MGAT4C: variants seen among roughly 807,000 people sequenced by gnomAD.
MGAT4C encodes MGAT4 family member C.
Under a neutral mutation model 40.1 loss-of-function variants are expected in MGAT4C, and 19 were observed. That is an observed-to-expected ratio of 0.47 (90% CI 0.33 to 0.70). MGAT4C has a LOEUF of 0.70. Among genes scored for constraint, MGAT4C ranks in the 30% least tolerant of loss-of-function variants. MGAT4C has a pLI of 0.02. For synonymous variants in MGAT4C, 181 were observed against 187.1 expected (o/e 0.97, Z 0.27); for missense variants, 491 against 563.2 (o/e 0.87, Z 1.30).
At chr12:86,182,278 T>C (rs1266216636) in intron 1 of MGAT4C, among the ~76,000 whole-genome samples, 1 of 152,172 alleles carries the variant, frequency 6.6e-6, no homozygotes, top group Non-Finnish European at 1.5e-5. Context: ...CTCATCATCA[T>C]AGTCTACCTT....
At position 85,968,461 on chromosome 12, in the gene MGAT4C, A is replaced by C. The variant is rs971254132; in HGVS notation, c.*10828T>G. On this transcript the variant is annotated 3_prime_UTR_variant, in exon 5 of 5. Coordinates refer to ENST00000611864, the MANE Select transcript of MGAT4C (RefSeq NM_001351288.2). ...CCAGATTCAATAGGAAGGCATGCAG[A>C]GTGTTCTCTATAAACCCAGCAAAAC... 3 of 151,996 alleles carry C rather than the reference A, an allele frequency of 2.0e-5. No homozygotes were observed. Among genetic ancestry groups the C allele is most frequent in the African/African-American group, 7.2e-5 (3 of 41,428 alleles). The allele number at this position is 151,996 out of a possible 1,614,324, so 9.4% of individuals were successfully genotyped here.
chr12:86,606,327 T>C (rs1171383588), intron 2 of MGAT4C, among the ~76,000 whole-genome samples: 1 of 152,190 alleles, frequency 6.6e-6, no homozygotes, highest in Non-Finnish European at 1.5e-5. Context: ...TATATTTCTA[T>C]ACCACCAAAA....
chr12:86,504,071 A>AG (rs200618270), intron 2 of MGAT4C, among the ~76,000 whole-genome samples: 2,119 of 151,872 alleles, frequency 0.014, 14 homozygotes, highest in African/African-American at 0.021. Context: ...CCTAAGAAAA[A>AG]ATGCTCAAAT....
At chr12:86,017,866 T>A (rs1332682235) in intron 2 of MGAT4C, among the ~76,000 whole-genome samples, 2 of 152,186 alleles carry the variant, frequency 1.3e-5, no homozygotes, top group Non-Finnish European at 2.9e-5. Context: ...TGAAGGCAGA[T>A]AAAGTATTAG....
At chr12:86,278,763 C>T (rs1953139371) in intron 4 of MGAT4C, among the ~76,000 whole-genome samples, 1 of 152,022 alleles carries the variant, frequency 6.6e-6, no homozygotes, top group South Asian at 2.1e-4. Context: ...AAGTGGGCAT[C>T]CTTGGCACGC....
At chr12:86,132,264 TATAAC>T (rs1296689149) in intron 1 of MGAT4C, among the ~76,000 whole-genome samples, 2 of 152,216 alleles carry the variant, frequency 1.3e-5, no homozygotes, top group African/African-American at 2.4e-5. Flanking sequence ...ATATGTGACT[TATAAC>T]AGAATGGAAT....
chr12:86,238,483 A>G (rs1360396314), intron 1 of MGAT4C, among the ~76,000 whole-genome samples: 1 of 152,038 alleles, frequency 6.6e-6, no homozygotes, highest in African/African-American at 2.4e-5. Flanking sequence ...TTCAGCTTAC[A>G]TGGTTTCAGG....
chr12:86,449,623 C>T (rs1018672802), intron 2 of MGAT4C, among the ~76,000 whole-genome samples: 3 of 152,058 alleles, frequency 2.0e-5, no homozygotes, highest in Non-Finnish European at 4.4e-5. Flanking sequence ...ACTTCTGTCA[C>T]CATAAAATAA....
intron 3 of MGAT4C, among the ~76,000 whole-genome samples, chr12:86,414,617 A>G (rs1189728414): frequency 6.6e-6 from 1 of 152,034 alleles, no homozygotes; most frequent in East Asian, 1.9e-4. Context: ...GCCAAAATAA[A>G]TTCACTTCAT....
intron 3 of MGAT4C, among the ~76,000 whole-genome samples, chr12:86,429,902 C>T (rs954249005): frequency 6.6e-6 from 1 of 152,050 alleles, no homozygotes; most frequent in South Asian, 2.1e-4. Flanking sequence ...TCTGGAAGTC[C>T]TATTATGTGA....
intron 2 of MGAT4C, among the ~76,000 whole-genome samples, chr12:86,633,215 C>T (rs1195182387): frequency 6.6e-6 from 1 of 151,796 alleles, no homozygotes; most frequent in Non-Finnish European, 1.5e-5. Flanking sequence ...ATAAAATATG[C>T]ACTTATTTCC....
chr12:86,362,049 T>A (rs146571933), intron 3 of MGAT4C, among the ~76,000 whole-genome samples: 1,566 of 152,262 alleles, frequency 0.01, 19 homozygotes, highest in East Asian at 0.045. Context: ...ATATTTATTG[T>A]GGCACTATTC....
chr12:86,329,196 C>T (rs1408381337), intron 4 of MGAT4C, among the ~76,000 whole-genome samples: 2 of 151,782 alleles, frequency 1.3e-5, no homozygotes, highest in Non-Finnish European at 2.9e-5. Flanking sequence ...AATAAACACA[C>T]TTGTTAGAGT....
chr12:86,438,025 G>A (rs138504529), intron 2 of MGAT4C, among the ~76,000 whole-genome samples: 6 of 151,914 alleles, frequency 3.9e-5, no homozygotes, highest in African/African-American at 1.4e-4. Flanking sequence ...GAAGTCAAAT[G>A]GTAGAAATGA....
intron 2 of MGAT4C, among the ~76,000 whole-genome samples, chr12:86,520,770 T>A (rs1029290225): frequency 6.6e-6 from 1 of 152,126 alleles, no homozygotes; most frequent in South Asian, 2.1e-4. Flanking sequence ...TAATAGCCAT[T>A]CTGACTGGTG....
At chr12:86,508,533 C>G (rs1958513277) in intron 2 of MGAT4C, among the ~76,000 whole-genome samples, 2 of 152,156 alleles carry the variant, frequency 1.3e-5, no homozygotes, top group Non-Finnish European at 2.9e-5. Flanking sequence ...GTGCATGTGT[C>G]TTTATAGCAG....
At chr12:86,338,259 CTTCCCGCTGAGTCAG>C (rs1277383150) in intron 3 of MGAT4C, among the ~76,000 whole-genome samples, 1 of 152,134 alleles carries the variant, frequency 6.6e-6, no homozygotes, top group Non-Finnish European at 1.5e-5. Context: ...AAAGCTGTCT[CTTCCCGCTGAGTCAG>C]TTCCTGAGTG....
intron 2 of MGAT4C, among the ~76,000 whole-genome samples, chr12:85,989,805 G>A (rs1885674888): frequency 6.6e-6 from 1 of 152,008 alleles, no homozygotes; most frequent in Non-Finnish European, 1.5e-5. Flanking sequence ...GACGAAAAAA[G>A]ATGAACTTTG....
At chr12:85,991,641 A>C (rs765923453) in intron 2 of MGAT4C, among the ~76,000 whole-genome samples, 10 of 152,162 alleles carry the variant, frequency 6.6e-5, no homozygotes, top group Non-Finnish European at 1.0e-4. Context: ...AGCAGCTGGC[A>C]TGTCAGCACT....
Sources: gnomAD v4.1 joint callset for allele counts (sites outside exome capture counted in the v4.1 genomes callset) on GRCh38, gnomAD v4.1.1 for gene constraint, MANE v1.5 for transcripts, NCBI Gene and HGNC (gene_info 2026-07-23, HGNC 2026-07-21) for gene names.